PPM1L: variants seen among roughly 807,000 people sequenced by gnomAD.
PPM1L encodes the protein protein phosphatase, Mg2+/Mn2+ dependent 1L.
Under a neutral mutation model 31.4 loss-of-function variants are expected in PPM1L, and 13 were observed. That is an observed-to-expected ratio of 0.41 (90% CI 0.27 to 0.66). PPM1L has a LOEUF of 0.66. PPM1L is among the 30% of genes least tolerant of loss of function. The probability of loss-of-function intolerance (pLI) is 0.29; values close to 1 mark genes in which losing one functional copy is unlikely to be tolerated. For missense variants in PPM1L, 326 were observed against 453.7 expected, an observed-to-expected ratio of 0.72 and a Z score of 2.56; for synonymous variants, 184 against 175.4, an observed-to-expected ratio of 1.05 and a Z score of -0.39.
intron 1 of PPM1L, among the ~76,000 whole-genome samples, chr3:160,778,015 C>T (rs1423596555): frequency 2.0e-5 from 3 of 152,106 alleles, no homozygotes; most frequent in South Asian, 2.1e-4. Context: ...TCTCAACATC[C>T]TTGGCAATAC....
At chr3:160,825,809 C>T (rs1713341187) in intron 1 of PPM1L, among the ~76,000 whole-genome samples, 1 of 151,986 alleles carries the variant, frequency 6.6e-6, no homozygotes, top group Non-Finnish European at 1.5e-5. Flanking sequence ...CTCCTTTTGG[C>T]TCTGGCTGAT....
chr3:160,996,193 A>G (rs1324167371), intron 2 of PPM1L, among the ~76,000 whole-genome samples: 2 of 152,322 alleles, frequency 1.3e-5, no homozygotes, highest in East Asian at 1.9e-4. Flanking sequence ...TGCTGGTGGG[A>G]ATGTAAACTA....
At position 161,012,917 on chromosome 3, in the gene PPM1L, T is replaced by G. The variant is rs533010759; in HGVS notation, c.574+51007T>G. The stretch of plus-strand genomic sequence containing the variant: ...TTTGATTCTTCTCTCTTTTTTTCTT[T>G]ATTAGTCTTGCTAGCGGTCTATCAA... On this transcript the variant is annotated intron_variant, in intron 2 of 3. Transcript: ENST00000498165. Among the ~76,000 whole-genome samples, 58 of 152,298 alleles carry G rather than the reference T, an allele frequency of 3.8e-4. 1 individual carries two copies. In the South Asian group the frequency reaches 0.01, roughly 27 times the overall value.
At chr3:160,842,823 G>A (rs1398287839) in intron 1 of PPM1L, among the ~76,000 whole-genome samples, 1 of 152,142 alleles carries the variant, frequency 6.6e-6, no homozygotes, top group Non-Finnish European at 1.5e-5. Context: ...GCCTGCGGAG[G>A]ATTGTTTTTA....
intron 1 of PPM1L, among the ~76,000 whole-genome samples, chr3:160,944,643 A>T (rs1715263165): frequency 6.9e-6 from 1 of 145,200 alleles, no homozygotes; most frequent in Non-Finnish European, 1.5e-5. Context: ...TACACCTCAA[A>T]TTTAACACAG....
chr3:161,074,387 G>A lies in PPM1L; in HGVS notation c.*5230G>A, dbSNP rs1720036500. ...TATGAGAGATTACCCCAAAGTCATG[G>A]ATGAAACAAATCTAGTCGAAAACAT... On this transcript the variant is annotated 3_prime_UTR_variant, in exon 4 of 4. Transcript: ENST00000498165. 1 of 152,196 alleles carries A rather than the reference G, an allele frequency of 6.6e-6. No homozygotes were observed. Among genetic ancestry groups the A allele is most frequent in the Non-Finnish European group, 1.5e-5 (1 of 68,044 alleles). The allele number at this position is 152,196 out of a possible 1,614,324, so 9.4% of individuals were successfully genotyped here.
chr3:160,934,335 AT>A (rs1394501426), intron 1 of PPM1L, among the ~76,000 whole-genome samples: 1 of 152,270 alleles, frequency 6.6e-6, no homozygotes, highest in African/African-American at 2.4e-5. Context: ...TTAAGAGAAG[AT>A]TACACATTCA....
chr3:160,842,322 G>A, intron 1 of PPM1L: 1 of 702,202 alleles, frequency 1.4e-6, no homozygotes, highest in East Asian at 2.7e-5. Context: ...TCTAATAGAG[G>A]ACTCATGATG....
chr3:160,966,803 C>G (rs960304219), intron 2 of PPM1L, among the ~76,000 whole-genome samples: 7 of 152,122 alleles, frequency 4.6e-5, no homozygotes, highest in Non-Finnish European at 8.8e-5. Flanking sequence ...TGACATTGCA[C>G]TACACTCAAA....
chr3:161,002,939 C>G (rs1423074655), intron 2 of PPM1L, among the ~76,000 whole-genome samples: 2 of 148,956 alleles, frequency 1.3e-5, no homozygotes, highest in East Asian at 3.9e-4. Context: ...ATGGTAATGC[C>G]TAGGTTTTCT....
chr3:160,945,125 C>CATGTTATATATAACATATATGT lies in PPM1L; in HGVS notation c.400-16611_400-16610insATGTTATATATAACATATATGT, dbSNP rs1559897819. Among the ~76,000 whole-genome samples the CATGTTATATATAACATATATGT allele has an allele frequency of 3.8e-3, 83 of 21,752 alleles. 1 individual carries two copies. Among genetic ancestry groups the CATGTTATATATAACATATATGT allele is most frequent in the Admixed American group, 7.7e-3 (15 of 1,952 alleles). The allele number at this position is 21,752 out of a possible 152,430, so 14.3% of individuals were successfully genotyped here. On this transcript the variant is annotated intron_variant, in intron 1 of 3. Transcript: ENST00000498165. ...TATAACATATATGTTATCTATCTATCTATCTATCTATCTATCTATCTATCT... is the reference window on the plus strand; with the variant it reads ...TATAACATATATGTTATCTATCTATCATGTTATATATAACATATATGTTATCTATCTATCTATCTATCTATCT...
intron 1 of PPM1L, among the ~76,000 whole-genome samples, chr3:160,779,839 CCT>C (rs907343939): frequency 6.6e-6 from 1 of 152,012 alleles, no homozygotes; most frequent in African/African-American, 2.4e-5. Context: ...GCCTCTGCTA[CCT>C]TTTAGTTACC....
chr3:160,770,658 T>C (rs968683836), intron 1 of PPM1L, among the ~76,000 whole-genome samples: 5 of 152,310 alleles, frequency 3.3e-5, no homozygotes, highest in African/African-American at 1.2e-4. Context: ...GTCTAAACAA[T>C]AGGCAGAATA....
chr3:160,777,270 A>G (rs1037914993), intron 1 of PPM1L, among the ~76,000 whole-genome samples: 2 of 152,138 alleles, frequency 1.3e-5, no homozygotes, highest in Admixed American at 6.5e-5. Context: ...GCAGTGAGCC[A>G]TGATAATACC....
At chr3:160,784,552 A>G (rs1421845395) in intron 1 of PPM1L, among the ~76,000 whole-genome samples, 2 of 152,246 alleles carry the variant, frequency 1.3e-5, no homozygotes, top group Non-Finnish European at 2.9e-5. Flanking sequence ...CTGCTTTTGC[A>G]ATAAAACAGA....
chr3:161,018,068 A>G (rs1267777699), intron 2 of PPM1L, among the ~76,000 whole-genome samples: 1 of 152,206 alleles, frequency 6.6e-6, no homozygotes. Context: ...TGGGGTATAC[A>G]TCTTGACATT....
intron 2 of PPM1L, among the ~76,000 whole-genome samples, chr3:161,037,374 T>A (rs1356812369): frequency 6.6e-6 from 1 of 150,872 alleles, no homozygotes; most frequent in Admixed American, 6.6e-5. Flanking sequence ...CCAGAATCCA[T>A]GTGAATGCAC....
At chr3:160,862,701 CACA>C (rs1390191382) in intron 1 of PPM1L, among the ~76,000 whole-genome samples, 1 of 136,448 alleles carries the variant, frequency 7.3e-6, no homozygotes, top group Non-Finnish European at 1.5e-5. Context: ...CACACACACA[CACA>C]AAATTCTGAA....
At chr3:160,986,017 C>CGGGGT in intron 2 of PPM1L, among the ~76,000 whole-genome samples, 1 of 151,486 alleles carries the variant, frequency 6.6e-6, no homozygotes, top group South Asian at 2.1e-4. Context: ...TTTTGAGAGT[C>CGGGGT]AGGGTAGATA....
Sources: gnomAD v4.1 joint callset for allele counts (sites outside exome capture counted in the v4.1 genomes callset) on GRCh38, gnomAD v4.1.1 for gene constraint, MANE v1.5 for transcripts, NCBI Gene and HGNC (gene_info 2026-07-23, HGNC 2026-07-21) for gene names.